Variants in EFHB observed in about 807,000 individuals in gnomAD.
The protein encoded by EFHB is EF-hand domain family member B.
Under a neutral mutation model 87.2 loss-of-function variants are expected in EFHB, and 91 were observed. The ratio of observed to expected loss-of-function variants is 1.04; its 90% CI spans 0.88 to 1.24. The LOEUF (loss-of-function observed/expected upper bound fraction) is 1.24, where lower values mean the gene tolerates loss of function less well. EFHB is among the 50% of genes most tolerant of loss of function. The pLI, the probability that EFHB is intolerant of heterozygous loss-of-function variation, is 0.00. For synonymous variants in EFHB, 325 were observed against 333.6 expected, an observed-to-expected ratio of 0.97 and a Z score of 0.28; for missense variants, 1,084 against 998.8, an observed-to-expected ratio of 1.09 and a Z score of -1.15.
chr3:19,908,582 GAGAGAGAGAGAGAGAGAGAA>G (rs1264666619), intron 5 of EFHB, among the ~76,000 whole-genome samples: 234 of 118,216 alleles, frequency 2.0e-3, no homozygotes, highest in African/African-American at 8.6e-3. Context: ...GAGAGAGAGA[GAGAGAGAGAGAGAGAGAGAA>G]AGAAAGAAAG....
At chr3:19,937,404 G>T (rs1306504412), upstream of EFHB, among the ~76,000 whole-genome samples, 2 of 152,024 alleles carry the variant, frequency 1.3e-5, no homozygotes, top group Admixed American at 6.6e-5. Flanking sequence ...TTTTTAAACT[G>T]CTACAGACAG....
At chr3:19,946,791 A>C (rs549479378) in intron 1 of EFHB, 1 of 152,312 alleles carries the variant, frequency 6.6e-6, no homozygotes, top group South Asian at 2.1e-4. Flanking sequence ...ACAAACAAAA[A>C]AACACAAGTT....
At chr3:19,935,014 G>A (rs1348779090), upstream of EFHB, among the ~76,000 whole-genome samples, 5 of 151,898 alleles carry the variant, frequency 3.3e-5, no homozygotes, top group Non-Finnish European at 5.9e-5. Context: ...GGGTCCAAGC[G>A]ATTCTCCTGC....
At chr3:19,884,347 GA>G in intron 11 of EFHB, 55 bp downstream of exon 11, 1 of 1,497,966 alleles carries the variant, frequency 6.7e-7, no homozygotes, top group East Asian at 2.3e-5. Context: ...ACAATGCAAG[GA>G]CAGACAGAGG....
At chr3:19,924,896 T>C (rs1243286143) in intron 1 of EFHB, among the ~76,000 whole-genome samples, 2 of 152,130 alleles carry the variant, frequency 1.3e-5, no homozygotes, top group African/African-American at 4.8e-5. Flanking sequence ...AATAAAGATC[T>C]GGATTTTGGT....
chr3:19,936,260 G>C (rs1460984880), upstream of EFHB: 5 of 726,328 alleles, frequency 6.9e-6, no homozygotes, highest in East Asian at 1.3e-4. Flanking sequence ...TGAAGTGGGA[G>C]GATCACTTGA....
At chr3:19,882,167 C>A (rs1465390747) in intron 12 of EFHB, among the ~76,000 whole-genome samples, 1 of 152,052 alleles carries the variant, frequency 6.6e-6, no homozygotes, top group African/African-American at 2.4e-5. Flanking sequence ...TACCAGTGGA[C>A]AAGAAGGGTA....
At chr3:19,907,954 T>C (rs1294243537) in intron 5 of EFHB, among the ~76,000 whole-genome samples, 1 of 152,168 alleles carries the variant, frequency 6.6e-6, no homozygotes, top group Non-Finnish European at 1.5e-5. Flanking sequence ...ATACTCTGGG[T>C]CTAAGGGCAA....
intron 6 of EFHB, among the ~76,000 whole-genome samples, chr3:19,900,720 G>C (rs1195204812): frequency 1.3e-5 from 2 of 152,100 alleles, no homozygotes; most frequent in Non-Finnish European, 2.9e-5. Flanking sequence ...CTTGAGGTCA[G>C]GAGTTCAAGA....
intron 5 of EFHB, 99 bp downstream of exon 5, chr3:19,915,204 T>C (rs1474405950): frequency 1.4e-5 from 10 of 689,744 alleles, no homozygotes; most frequent in Non-Finnish European, 2.3e-5. Flanking sequence ...ACCTATTACA[T>C]GGCAGGCATT....
intron 3 of EFHB, among the ~76,000 whole-genome samples, chr3:19,918,953 C>T (rs1416886469): frequency 6.9e-6 from 1 of 144,526 alleles, no homozygotes; most frequent in African/African-American, 2.5e-5. Context: ...GCACTCCAGC[C>T]TGGGCGACAG....
chr3:19,927,911 C>A (rs1695686529), intron 1 of EFHB, among the ~76,000 whole-genome samples: 1 of 149,744 alleles, frequency 6.7e-6, no homozygotes, highest in African/African-American at 2.4e-5. Context: ...ACTATAAATA[C>A]TGTAGTATAT....
intron 12 of EFHB, among the ~76,000 whole-genome samples, chr3:19,881,749 C>G (rs1037279243): frequency 2.6e-5 from 4 of 152,128 alleles, no homozygotes; most frequent in East Asian, 1.9e-4. Flanking sequence ...AACCCTTCAT[C>G]TGAAGTCCGA....
chr3:19,933,137 C>T, intron 1 of EFHB, 93 bp downstream of exon 1: 1 of 1,418,944 alleles, frequency 7.0e-7, no homozygotes, highest in Non-Finnish European at 9.3e-7. Flanking sequence ...TGATTTGTCT[C>T]TTCAAACCAA....
At chr3:19,925,751 T>C (rs561433491) in intron 1 of EFHB, among the ~76,000 whole-genome samples, 13 of 152,270 alleles carry the variant, frequency 8.5e-5, no homozygotes, top group Admixed American at 2.0e-4. Context: ...GGAAGGTTGA[T>C]ATAAGACCAT....
upstream of EFHB, among the ~76,000 whole-genome samples, chr3:19,935,745 C>T (rs750481003): frequency 3.3e-5 from 5 of 152,052 alleles, no homozygotes; most frequent in Non-Finnish European, 7.4e-5. Flanking sequence ...GGCGCAGTGG[C>T]TCATGCCTGT....
At chr3:19,888,255 G>A (rs113445507) in intron 10 of EFHB, among the ~76,000 whole-genome samples, 189 bp downstream of exon 10, 208 of 152,128 alleles carry the variant, frequency 1.4e-3, no homozygotes, top group African/African-American at 4.7e-3. Flanking sequence ...GGCTAAGCAT[G>A]CTGGCTCACA....
At chr3:19,883,555 A>T (rs991588590) in intron 11 of EFHB, among the ~76,000 whole-genome samples, 2 of 152,176 alleles carry the variant, frequency 1.3e-5, no homozygotes, top group Non-Finnish European at 2.9e-5. Flanking sequence ...TATGGATGTT[A>T]TAGGTTGAAT....
chr3:19,912,267 T>G (rs1242125404), intron 5 of EFHB, among the ~76,000 whole-genome samples: 2 of 152,136 alleles, frequency 1.3e-5, no homozygotes, highest in African/African-American at 4.8e-5. Flanking sequence ...CAGTGGAAAC[T>G]TTACAGTCCA....
Sources: allele counts gnomAD v4.1 joint callset (sites outside exome capture counted in the v4.1 genomes callset), GRCh38; gene constraint gnomAD v4.1.1; transcripts MANE v1.5; gene names NCBI Gene and HGNC (gene_info 2026-07-23, HGNC 2026-07-21).